Variants in ACAP1 observed in about 807,000 individuals in gnomAD.
ACAP1 encodes the protein arf-GAP with coiled-coil, ANK repeat and PH domain-containing protein 1.
In ACAP1, 45 loss-of-function variants were observed where a neutral mutation model predicts 98.8. That is an observed-to-expected ratio of 0.46 (90% CI 0.36 to 0.58). The LOEUF (loss-of-function observed/expected upper bound fraction) is 0.58, where lower values mean the gene tolerates loss of function less well. Ranked by LOEUF, ACAP1 falls within the 20% of genes least tolerant of loss-of-function variation. The pLI is 0.00. For missense variants in ACAP1, 735 were observed against 971.4 expected (o/e 0.76, Z 3.24); for synonymous variants, 362 against 375.3 (o/e 0.96, Z 0.41).
chr17:7,348,423 G>A lies in ACAP1; in HGVS notation c.1626G>A (p.Val542=). ...GGCGCCCAAGGGGGCAGCCTCCTGT[G>A]CCCCCAAAGCCTTCCATCAGGCCCC... is the stretch of plus-strand genomic sequence containing the variant. ...GRGRPRGQPP[V]PPKPSIRPRP... The change falls in exon 17 of 22, where the codon GTG becomes GTA. Residue 542 remains valine (V), a synonymous_variant. Coordinates refer to ENST00000158762, the MANE Select transcript of ACAP1 (RefSeq NM_014716.4). The A allele has an allele frequency of 6.6e-7, 1 of 1,511,514 alleles. No individual in the cohort carries two copies. The highest frequency in any genetic ancestry group is 8.8e-7 in the Non-Finnish European group (1 of 1,131,736). 93.6% of individuals were successfully genotyped at this position (1,511,514 alleles called of 1,614,324 possible). A position where few individuals can be genotyped will look rare whatever the true frequency, so the allele number is the denominator to read the frequency against.
chr17:7,345,037 G>A (rs1376119257), intron 10 of ACAP1, among the ~76,000 whole-genome samples: 1 of 152,208 alleles, frequency 6.6e-6, no homozygotes, highest in Non-Finnish European at 1.5e-5. Flanking sequence ...GAAGAGCAGG[G>A]TGGTGGCCCT....
Position 7,343,867 on chromosome 17 carries a change from C to T in ACAP1, c.580C>T (p.Arg194Cys), listed in dbSNP as rs1036301487. The T allele has an allele frequency of 3.7e-6, 6 of 1,613,708 alleles. No individual in the cohort carries two copies. The South Asian group carries it at 4.4e-5, about 12-fold the overall frequency. The change falls in exon 8 of 22, where the codon CGT becomes TGT. Residue 194 changes from arginine (R) to cysteine (C), a missense_variant. Around this residue, in one of 5 missense-constraint regions of ACAP1, gnomAD observed 430 missense variants for 531.8 expected, o/e 0.81. Coordinates refer to ENST00000158762, the MANE Select transcript of ACAP1 (RefSeq NM_014716.4). This position sits in a 1 kb window ranked among gnomAD's most constrained non-coding sequence, Gnocchi z 4.9. ...TGCCCGCCTTGTCCCCCAGGTGCTG[C>T]GTTTGGTGGAGGCCCAGGCTACCCA... ...RKFDIMEFVL[R>C]LVEAQATHFQ...
At chr17:7,342,216 A>G in intron 3 of ACAP1, 59 bp from the exon 4 acceptor site, 2 of 1,609,674 alleles carry the variant, frequency 1.2e-6, no homozygotes, top group Non-Finnish European at 1.7e-6. Context: ...CTGGGTCTCG[A>G]GTCGGGAGGG....
chr17:7,348,192 A>AGGCCCGC lies in ACAP1; in HGVS notation c.1480_1481insGCCCGCG (p.Val494GlyfsTer22). ...ATGAGGCCCGCGTGGAGGCCATGGC[A>AGGCCCGC]GTGAAGAAACCAGGGCCCAGCTGCT... On this transcript the variant is annotated frameshift_variant, in exon 16 of 22. Coordinates refer to ENST00000158762, the MANE Select transcript of ACAP1 (RefSeq NM_014716.4). LOFTEE classifies it high-confidence loss of function. 1 of 1,614,050 alleles carries AGGCCCGC rather than the reference A, an allele frequency of 6.2e-7. No homozygotes were observed. Among genetic ancestry groups the AGGCCCGC allele is most frequent in the Non-Finnish European group, 8.5e-7 (1 of 1,179,962 alleles).
rs1429116257 is a variant in ACAP1, at chr17:7,343,678, T to G, written c.529-28T>G. On this transcript the variant is annotated intron_variant, in intron 6 of 21. Transcript: ENST00000158762. This position sits in a 1 kb window ranked among gnomAD's most constrained non-coding sequence, Gnocchi z 4.9. The stretch of plus-strand genomic sequence containing the variant: ...CTGTGTCTTCAAGACTGATCTGGGG[T>G]TTTTTACGTCCTCTTTTACGTCCTC... The G allele has an allele frequency of 6.2e-7, 1 of 1,609,604 alleles. No homozygotes were observed. The highest frequency in any genetic ancestry group is 8.5e-7 in the Non-Finnish European group (1 of 1,177,346).
rs532346488 is a variant in ACAP1 at position 7,346,838 on chromosome 17, C to A, written c.1038C>A (p.Arg346=). ...KSCLLQADSE[R]LLQLWVSAVQ... ...GCCTCCTCCAGGCTGACTCAGAGCG[C>A]CTCCTGCAGCTGTGGGTCAGTGCTG... Residue 346 remains arginine, a synonymous_variant, in exon 13 of 22, where the codon CGC becomes CGA. Coordinates refer to ENST00000158762, the MANE Select transcript of ACAP1 (RefSeq NM_014716.4). 3 of 1,613,362 alleles carry A rather than the reference C, an allele frequency of 1.9e-6. No individual in the cohort carries two copies. Among genetic ancestry groups the A allele is most frequent in the African/African-American group, 2.7e-5 (2 of 75,020 alleles).
rs1411708884 is a variant in ACAP1, at chr17:7,342,337, G to A, written c.285+9G>A. ...AGCTGGACAGCCATGCGGTAAGTAG[G>A]GGAAGGTAAGGATTGTCGGGGTGGT... On this transcript the variant is annotated intron_variant, in intron 4 of 21. Coordinates refer to ENST00000158762, the MANE Select transcript of ACAP1 (RefSeq NM_014716.4). 6.2e-7 allele frequency: 1 copy of A among 1,614,172 alleles called. No individual in the cohort carries two copies. The highest frequency in any genetic ancestry group is 1.7e-5 in the Admixed American group (1 of 60,020).
chr17:7,347,728 G>A (rs1330170337), intron 14 of ACAP1, 194 bp from the exon 15 acceptor site: 3 of 600,074 alleles, frequency 5.0e-6, no homozygotes, highest in South Asian at 2.0e-5. Flanking sequence ...GAATGGTGAC[G>A]AGGCAGAGTC....
rs975143872 is a variant in ACAP1 at position 7,341,601 on chromosome 17, G to A, written c.112-347G>A. ...ATCCAGACCATGCAGGAATCTCCAC[G>A]GAGCTCTGGATCTAAGCAGGTAGGC... On this transcript the variant is annotated intron_variant, in intron 2 of 21. Transcript: ENST00000158762. Among the ~76,000 whole-genome samples, 9 of 152,170 alleles carry A rather than the reference G, an allele frequency of 5.9e-5. No homozygotes were observed. The East Asian group carries it at 1.2e-3, about 20-fold the overall frequency.
At chr17:7,351,230 A>G (rs1199907961) in intron 21 of ACAP1, 65 bp from the exon 22 acceptor site, 1 of 1,402,996 alleles carries the variant, frequency 7.1e-7, no homozygotes, top group Non-Finnish European at 9.8e-7. Flanking sequence ...GTGGGCCCCA[A>G]CCGCCGGATC....
chr17:7,343,518 G>A lies in ACAP1; in HGVS notation c.484G>A (p.Ala162Thr), dbSNP rs1257459807. The A allele has an allele frequency of 6.2e-7, 1 of 1,613,880 alleles. No individual in the cohort carries two copies. Among genetic ancestry groups the A allele is most frequent in the East Asian group, 2.2e-5 (1 of 44,888 alleles). ...AGAGGCAGGAGCTGCTTTGAGGACG[G>A]CTCGAGCTGGGTACCGGGGACGGGC... ...AEEAGAALRTARAGYRGRALD... is the reference protein window; with the variant it reads ...AEEAGAALRTTRAGYRGRALD... Residue 162 changes from alanine (A) to threonine (T), a missense_variant, in exon 6 of 22, where the codon GCT (alanine) becomes ACT (threonine). Physicochemically the swap from Ala to Thr is moderately conservative, Grantham distance 58. This residue lies in a region of ACAP1 where 430 missense variants were observed against 531.8 expected (regional missense o/e 0.81). Transcript: ENST00000158762. The surrounding 1 kb of genome is among the most constrained non-coding windows in gnomAD (Gnocchi z 4.9).
rs1178633474 is a variant in ACAP1, at chr17:7,342,071, T to A, written c.231+4T>A. 2.5e-6 allele frequency: 4 copies of A among 1,613,710 alleles called. No homozygotes were observed. In the South Asian group the frequency reaches 4.4e-5, roughly 18 times the overall value. On this transcript the variant is annotated splice_donor_region_variant and intron_variant, in intron 3 of 21. Coordinates refer to ENST00000158762, the MANE Select transcript of ACAP1 (RefSeq NM_014716.4). The stretch of plus-strand genomic sequence containing the variant: ...TCCACCAGAGCCCATGATGGCGGTA[T>A]GCGGAGGGTCTGCATCTGGGAGGGA...
rs1171842296 is a variant in ACAP1 at position 7,348,321 on chromosome 17, C to T, written c.1524C>T (p.Ala508=). 3.2e-6 allele frequency: 5 copies of T among 1,580,928 alleles called. No individual in the cohort carries two copies. Among genetic ancestry groups the T allele is most frequent in the Non-Finnish European group, 4.3e-6 (5 of 1,162,682 alleles). Reference sequence around the variant, plus strand: ...CCTCCCACAGGCAGGAGAAGGAGGCCTGGATTCACGCTAAATACGTGGAGA... The same window carrying T: ...CCTCCCACAGGCAGGAGAAGGAGGCTTGGATTCACGCTAAATACGTGGAGA... ...GPSCSRQEKE[A]WIHAKYVEKK... Residue 508 remains alanine (A), a synonymous_variant, in exon 17 of 22, where the codon GCC becomes GCT. Transcript: ENST00000158762.
At position 7,346,382 on chromosome 17, in the gene ACAP1, TCCTG is replaced by T; in HGVS notation, c.907-6_907-3del. 1.2e-6 allele frequency: 2 copies of T among 1,614,092 alleles called. No homozygotes were observed. The highest frequency in any genetic ancestry group is 2.7e-5 in the African/African-American group (2 of 75,044). On this transcript the variant is annotated splice_region_variant and splice_polypyrimidine_tract_variant and intron_variant, in intron 11 of 21. Coordinates refer to ENST00000158762, the MANE Select transcript of ACAP1 (RefSeq NM_014716.4). ...GGACATCTGGCCCCTTATCACCTTATCCTGCCAGGACCCTGTGACTGTGGTGGTG... is the reference window on the plus strand; with the variant it reads ...GGACATCTGGCCCCTTATCACCTTATCCAGGACCCTGTGACTGTGGTGGTG...
In ACAP1 at chr17:7,350,504, C is replaced by T; in HGVS notation, c.2072+267C>T. The T allele has an allele frequency of 1.8e-6, 1 of 544,444 alleles. No homozygotes were observed. Among genetic ancestry groups the T allele is most frequent in the Non-Finnish European group, 3.3e-6 (1 of 305,414 alleles). 33.7% of individuals were successfully genotyped at this position (544,444 alleles called of 1,614,324 possible). On this transcript the variant is annotated intron_variant, in intron 20 of 21. Transcript: ENST00000158762. This position sits in a 1 kb window ranked among gnomAD's most constrained non-coding sequence, Gnocchi z 4.6. ...AGGCGTAATTCGCCCATCAACATTG[C>T]TGTCAGGCATCTTTTTAGCACTAGA...
intron 5 of ACAP1, 50 bp downstream of exon 5, chr17:7,342,524 G>A (rs746817478): frequency 6.3e-6 from 10 of 1,587,880 alleles, no homozygotes; most frequent in Non-Finnish European, 8.6e-6. Flanking sequence ...CCAACACTTT[G>A]GAAGGCCAAG....
intron 12 of ACAP1, 153 bp from the exon 13 acceptor site, chr17:7,346,655 G>A (rs12940336): frequency 8.8e-7 from 1 of 1,136,830 alleles, no homozygotes; most frequent in Non-Finnish European, 1.3e-6. Context: ...CAGGGTGATG[G>A]GGGATATTTA....
intron 2 of ACAP1, among the ~76,000 whole-genome samples, chr17:7,338,829 G>A (rs1230491172): frequency 6.6e-6 from 1 of 151,554 alleles, no homozygotes; most frequent in African/African-American, 2.4e-5. Flanking sequence ...TTACAGGTGT[G>A]AGCCACCACA....
At position 7,347,173 on chromosome 17, in the gene ACAP1, A is replaced by G. The variant is rs1423035615; in HGVS notation, c.1274A>G (p.Glu425Gly). 1.2e-6 allele frequency: 2 copies of G among 1,614,080 alleles called. No individual in the cohort carries two copies. The highest frequency in any genetic ancestry group is 1.7e-6 in the Non-Finnish European group (2 of 1,179,976). The change falls in exon 14 of 22, where the codon GAG (glutamate) becomes GGG (glycine). Residue 425 changes from glutamate to glycine, a missense_variant. Coordinates refer to ENST00000158762, the MANE Select transcript of ACAP1 (RefSeq NM_014716.4). ...AATGCCCAGTGCTGCGACTGCCGGG[A>G]GCCAGCCCCGGAGTGGGCCAGCATC... is the stretch of plus-strand genomic sequence containing the variant. ...DGNAQCCDCR[E>G]PAPEWASINL...
Sources: gnomAD v4.1 joint callset for allele counts (sites outside exome capture counted in the v4.1 genomes callset) on GRCh38, gnomAD v4.1.1 for gene constraint, gnomAD v4.1.1 regional missense constraint, Gnocchi (gnomAD v3.1) non-coding constraint, MANE v1.5 for transcripts, NCBI Gene and HGNC (gene_info 2026-07-23, HGNC 2026-07-21) for gene names.